CLCN3: variants seen among roughly 807,000 people sequenced by gnomAD.
CLCN3 encodes the protein H(+)/Cl(-) exchange transporter 3.
A neutral mutation model predicts 83.4 loss-of-function variants in CLCN3; 16 were observed. The ratio of observed to expected loss-of-function variants is 0.19; its 90% confidence interval spans 0.13 to 0.29. The LOEUF is 0.29. Ranked by LOEUF, CLCN3 falls within the 10% of genes least tolerant of loss-of-function variation. The pLI is 1.00. For missense variants in CLCN3, 544 were observed against 1,006.0 expected (o/e 0.54, Z 6.21); for synonymous variants, 322 against 346.2 (o/e 0.93, Z 0.78).
chr4:169,663,786 G>C (rs936704349), intron 2 of CLCN3, among the ~76,000 whole-genome samples: 2 of 152,142 alleles, frequency 1.3e-5, no homozygotes, highest in African/African-American at 4.8e-5. Context: ...CAGATATTTG[G>C]CTCATACTTT....
intron 2 of CLCN3, among the ~76,000 whole-genome samples, chr4:169,662,104 A>G (rs1244515995): frequency 6.6e-6 from 1 of 152,166 alleles, no homozygotes; most frequent in Non-Finnish European, 1.5e-5. Flanking sequence ...TAAAATATGC[A>G]AATAATAAGA....
At chr4:169,711,687 G>C (rs1288290948) in intron 11 of CLCN3, among the ~76,000 whole-genome samples, 1 of 152,058 alleles carries the variant, frequency 6.6e-6, no homozygotes, top group Non-Finnish European at 1.5e-5. Flanking sequence ...AGTACTAGTT[G>C]CTGGGGCTTT....
chr4:169,718,863 A>G (rs1490975359), intron 12 of CLCN3, among the ~76,000 whole-genome samples: 1 of 152,158 alleles, frequency 6.6e-6, no homozygotes, highest in Admixed American at 6.5e-5. Flanking sequence ...TTCACCTATA[A>G]TAATCTTTTA....
At chr4:169,710,813 A>G (rs1384741093) in intron 11 of CLCN3, among the ~76,000 whole-genome samples, 1 of 152,190 alleles carries the variant, frequency 6.6e-6, no homozygotes, top group Non-Finnish European at 1.5e-5. Flanking sequence ...TTAATGTCAC[A>G]CTTCATGTCT....
At chr4:169,679,774 C>T (rs1216805994) in intron 2 of CLCN3, among the ~76,000 whole-genome samples, 1 of 152,176 alleles carries the variant, frequency 6.6e-6, no homozygotes, top group South Asian at 2.1e-4. Context: ...CCTGCAATCC[C>T]AGGCACTCGG....
intron 5 of CLCN3, among the ~76,000 whole-genome samples, chr4:169,689,618 A>T (rs1485352371): frequency 6.6e-6 from 1 of 152,226 alleles, no homozygotes; most frequent in African/African-American, 2.4e-5. Context: ...CTACGTAGAG[A>T]TACATTGAAG....
chr4:169,704,042 C>G lies in CLCN3; in HGVS notation c.1608C>G (p.Ile536Met), dbSNP rs1428010734. ...TCCCCAGCATGGCCATTGGAGCGAT[C>G]GCAGGAAGGATTGTGGGGATTGCGG... ...LFIPSMAIGA[I>M]AGRIVGIAVE... The change falls in exon 10 of 13, where the codon ATC becomes ATG. Residue 536 changes from isoleucine (I) to methionine (M), a missense_variant. Coordinates refer to ENST00000513761, the MANE Select transcript of CLCN3 (RefSeq NM_001829.4). 6.2e-7 allele frequency: 1 copy of G among 1,613,920 alleles called. No individual in the cohort carries two copies. Among genetic ancestry groups the G allele is most frequent in the South Asian group, 1.1e-5 (1 of 91,082 alleles).
intron 7 of CLCN3, among the ~76,000 whole-genome samples, chr4:169,694,747 G>A (rs1469756739): frequency 6.6e-6 from 1 of 152,162 alleles, no homozygotes; most frequent in African/African-American, 2.4e-5. Flanking sequence ...GCTGAGGCAG[G>A]AGAATCACTT....
intron 5 of CLCN3, among the ~76,000 whole-genome samples, chr4:169,690,313 T>G (rs1483721437): frequency 6.6e-6 from 1 of 151,986 alleles, no homozygotes; most frequent in Non-Finnish European, 1.5e-5. Flanking sequence ...GCCCAGCTAA[T>G]TTTTGTATTT....
At chr4:169,696,009 T>C (rs1051681537) in intron 8 of CLCN3, among the ~76,000 whole-genome samples, 72 of 152,328 alleles carry the variant, frequency 4.7e-4, no homozygotes, top group African/African-American at 1.7e-3. Flanking sequence ...TTCCATTGGC[T>C]AAATTCTGTA....
chr4:169,719,662 C>A (rs955897344), intron 12 of CLCN3, among the ~76,000 whole-genome samples: 3 of 151,590 alleles, frequency 2.0e-5, no homozygotes, highest in Admixed American at 2.0e-4. Flanking sequence ...TTCATTGAGG[C>A]ATGCAGTCCT....
rs143283084 is a variant in CLCN3 at position 169,657,058 on chromosome 4, A to G, written c.160+20970A>G. Among the ~76,000 whole-genome samples, 916 of 152,326 alleles carry G rather than the reference A, an allele frequency of 6.0e-3. 9 individuals carry two copies. Among genetic ancestry groups the G allele is most frequent in the Middle Eastern group, 0.014 (4 of 294 alleles). On this transcript the variant is annotated intron_variant, in intron 2 of 12. Transcript: ENST00000513761. ...TCCTGGTCACTTACTTTAATTAATTATCAATTCATAGCCAATTTTGTTTCA... is the reference window on the plus strand; with the variant it reads ...TCCTGGTCACTTACTTTAATTAATTGTCAATTCATAGCCAATTTTGTTTCA...
intron 1 of CLCN3, among the ~76,000 whole-genome samples, chr4:169,623,482 G>A (rs948178454): frequency 3.3e-5 from 5 of 152,142 alleles, no homozygotes; most frequent in Admixed American, 6.5e-5. Flanking sequence ...AAATTAACAC[G>A]TCCATCATAT....
intron 1 of CLCN3, among the ~76,000 whole-genome samples, chr4:169,634,020 T>C (rs1324952187): frequency 6.6e-6 from 1 of 152,134 alleles, no homozygotes; most frequent in East Asian, 1.9e-4. Flanking sequence ...CTGGGTTTAA[T>C]TGGTTTATTT....
intron 3 of CLCN3, among the ~76,000 whole-genome samples, chr4:169,682,921 C>T (rs1192523520): frequency 1.3e-5 from 2 of 152,082 alleles, no homozygotes; most frequent in Non-Finnish European, 2.9e-5. Context: ...ATTTTGTAAA[C>T]AGTTTTATCT....
At chr4:169,694,010 A>T (rs1302952526) in intron 7 of CLCN3, among the ~76,000 whole-genome samples, 1 of 152,162 alleles carries the variant, frequency 6.6e-6, no homozygotes, top group Non-Finnish European at 1.5e-5. Context: ...TAAAACATGT[A>T]TATGAGTTAT....
rs546157183 is a variant in CLCN3, at chr4:169,678,490, A to G, written c.161-1560A>G. Among the ~76,000 whole-genome samples the G allele has an allele frequency of 1.3e-4, 20 of 152,110 alleles. No homozygotes were observed. In the East Asian group the frequency reaches 2.1e-3, roughly 16 times the overall value. On this transcript the variant is annotated intron_variant, in intron 2 of 12. Transcript: ENST00000513761. ...GAGGGGGATTTGGCAGGGTCATAGG[A>G]CAATAGTGGAGGGAAGGTCAGCAGA... is the stretch of plus-strand genomic sequence containing the variant.
chr4:169,637,724 T>C (rs554855495), intron 2 of CLCN3, among the ~76,000 whole-genome samples: 24 of 152,322 alleles, frequency 1.6e-4, no homozygotes, highest in African/African-American at 5.3e-4. Context: ...GTTTTATTTT[T>C]GTGTATTCAC....
At chr4:169,716,602 T>A (rs1733430375) in intron 12 of CLCN3, among the ~76,000 whole-genome samples, 1 of 152,138 alleles carries the variant, frequency 6.6e-6, no homozygotes, top group Non-Finnish European at 1.5e-5. Context: ...TTTTCTGAGC[T>A]TTTTTGGAGG....
Sources: gnomAD v4.1 joint callset for allele counts (sites outside exome capture counted in the v4.1 genomes callset) on GRCh38, gnomAD v4.1.1 for gene constraint, MANE v1.5 for transcripts, NCBI Gene and HGNC (gene_info 2026-07-23, HGNC 2026-07-21) for gene names.